The following EPHA10 variants were observed in gnomAD, a reference collection of about 807,000 sequenced individuals.
EPHA10 encodes the protein ephrin type-A receptor 10.
EPHA10 carries 120 observed loss-of-function variants against 109.7 expected under a neutral mutation model. That is an observed-to-expected ratio of 1.09 (90% CI 0.94 to 1.27). The LOEUF (loss-of-function observed/expected upper bound fraction) is 1.27. Ranked by LOEUF, EPHA10 falls within the 50% of genes most tolerant of loss-of-function variation. EPHA10 has a pLI of 0.00. For synonymous variants in EPHA10, 640 were observed against 618.9 expected (o/e 1.03, Z -0.51); for missense variants, 1,396 against 1,411.1 (o/e 0.99, Z 0.17).
chr1:37,747,930 G>C (rs148566359), intron 5 of EPHA10, among the ~76,000 whole-genome samples: 184 of 152,240 alleles, frequency 1.2e-3, no homozygotes, highest in African/African-American at 4.2e-3. Context: ...CAGGAAGAAA[G>C]AGAAAGTGAA....
rs1194963870 is a variant in EPHA10 at position 37,723,030 on chromosome 1, GC to G, written c.1960+10del. The G allele has an allele frequency of 2.5e-6, 4 of 1,613,892 alleles. No homozygotes were observed. Among genetic ancestry groups the G allele is most frequent in the Non-Finnish European group, 3.4e-6 (4 of 1,180,018 alleles). On this transcript the variant is annotated intron_variant, in intron 10 of 16. Coordinates refer to ENST00000373048, the MANE Select transcript of EPHA10 (RefSeq NM_001099439.2). ...CAGATGGGGACAAGGCTTCCTGGGC[GC>G]CCAGCTTGCCTCCTCCAAGGCTCCT... is the stretch of plus-strand genomic sequence containing the variant.
At chr1:37,751,567 C>CAAAA (rs34755028) in intron 5 of EPHA10, among the ~76,000 whole-genome samples, 2 of 141,934 alleles carry the variant, frequency 1.4e-5, no homozygotes, top group South Asian at 2.3e-4. Flanking sequence ...AACTCCATTT[C>CAAAA]AAAAAAAAAA....
In EPHA10 at chr1:37,731,401, C is replaced by T. The variant is rs373779348; in HGVS notation, c.1663+10G>A. 241 of 1,585,318 alleles carry T rather than the reference C, an allele frequency of 1.5e-4. No homozygotes were observed. Among genetic ancestry groups the T allele is most frequent in the Middle Eastern group, 1.5e-3 (9 of 5,922 alleles). On this transcript the variant is annotated intron_variant, in intron 7 of 16. Coordinates refer to ENST00000373048, the MANE Select transcript of EPHA10 (RefSeq NM_001099439.2). The stretch of plus-strand genomic sequence containing the variant: ...GTCTAGGTCCCTGTCCACTCACACA[C>T]ACTACTTACCCTCCCCCAGGGTCTG...
At position 37,720,344 on chromosome 1, in the gene EPHA10, C is replaced by A; in HGVS notation, c.2412+7G>T. The A allele has an allele frequency of 6.3e-7, 1 of 1,591,806 alleles. No homozygotes were observed. The highest frequency in any genetic ancestry group is 8.6e-7 in the Non-Finnish European group (1 of 1,169,460). Reference sequence around the variant, plus strand: ...GCACAGGCAGGCTTGGCTGGGGGCGCCCTCACCATAGTGGTGTAGACAGCC... The same window carrying A: ...GCACAGGCAGGCTTGGCTGGGGGCGACCTCACCATAGTGGTGTAGACAGCC... On this transcript the variant is annotated splice_region_variant and intron_variant, in intron 13 of 16. Coordinates refer to ENST00000373048, the MANE Select transcript of EPHA10 (RefSeq NM_001099439.2).
intron 5 of EPHA10, chr1:37,737,961 C>CTTTTTTTTT (rs1318614740): frequency 1.2e-4 from 3 of 25,458 alleles, no homozygotes; most frequent in African/African-American, 2.3e-4. Flanking sequence ...TTTTTTTTTG[C>CTTTTTTTTT]TATCAAGCGA....
rs535928146 is a variant in EPHA10 at position 37,718,906 on chromosome 1, C to T, written c.2757-90G>A. The T allele has an allele frequency of 2.6e-5, 38 of 1,475,756 alleles. No individual in the cohort carries two copies. The East Asian group carries it at 7.3e-4, about 28-fold the overall frequency. The allele number at this position is 1,475,756 out of a possible 1,614,324, so 91.4% of individuals were successfully genotyped here. On this transcript the variant is annotated intron_variant, in intron 15 of 16. Coordinates refer to ENST00000373048, the MANE Select transcript of EPHA10 (RefSeq NM_001099439.2). ...CGGGGAGAGGCCAGCTGAGGATGGA[C>T]AGGAGAAGGGGAGGGTAACCGGGCC...
rs943066568 is a variant in EPHA10, at chr1:37,718,415, T to A, written c.2984A>T (p.Gln995Leu). 3.7e-6 allele frequency: 6 copies of A among 1,613,032 alleles called. No homozygotes were observed. The African/African-American group carries it at 8.0e-5, about 22-fold the overall frequency. The change falls in exon 17 of 17, where the codon CAG (glutamine) becomes CTG (leucine). Residue 995 changes from glutamine to leucine, a missense_variant. Coordinates refer to ENST00000373048, the MANE Select transcript of EPHA10 (RefSeq NM_001099439.2). ...EALLSGISAL[Q>L]ARVLQLQGQG... ...GCCCTGCAGCTGGAGCACTCGTGCC[T>A]GCAGGGCGCTGATCCCGCTGAGGAG...
At chr1:37,740,917 G>A (rs1014235173) in intron 5 of EPHA10, among the ~76,000 whole-genome samples, 4 of 152,124 alleles carry the variant, frequency 2.6e-5, no homozygotes, top group African/African-American at 9.7e-5. Flanking sequence ...AGCTTTTAGG[G>A]AATAAGCCTG....
intron 5 of EPHA10, among the ~76,000 whole-genome samples, chr1:37,746,101 CTTT>C (rs111763214): frequency 3.9e-5 from 5 of 127,432 alleles, no homozygotes; most frequent in Non-Finnish European, 4.9e-5. Context: ...CTTTTCTTTT[CTTT>C]TTTTTTTTTT....
At chr1:37,759,305 C>T (rs1646413467) in intron 3 of EPHA10, among the ~76,000 whole-genome samples, 1 of 152,156 alleles carries the variant, frequency 6.6e-6, no homozygotes, top group African/African-American at 2.4e-5. Flanking sequence ...CACACCCCCA[C>T]ATGCCCTCTG....
chr1:37,719,142 A>C, intron 15 of EPHA10: 1 of 593,248 alleles, frequency 1.7e-6, no homozygotes, highest in Non-Finnish European at 3.0e-6. Context: ...TGGAACTACA[A>C]ATGTGTTAGG....
At position 37,732,323 on chromosome 1, in the gene EPHA10, C is replaced by T. The variant is rs540060801; in HGVS notation, c.1492-741G>A. Among the ~76,000 whole-genome samples, 9 of 152,122 alleles carry T rather than the reference C, an allele frequency of 5.9e-5. No homozygotes were observed. The South Asian group carries it at 8.3e-4, about 14-fold the overall frequency. ...CCCTGCAGAGCCCGTGTTTTTTGCT[C>T]GACATCATGCTGCCCCCCGCTCCAC... On this transcript the variant is annotated intron_variant, in intron 6 of 16. Coordinates refer to ENST00000373048, the MANE Select transcript of EPHA10 (RefSeq NM_001099439.2).
At chr1:37,755,344 A>ACC (rs1326467587) in intron 3 of EPHA10, among the ~76,000 whole-genome samples, 8 of 131,180 alleles carry the variant, frequency 6.1e-5, no homozygotes, top group Admixed American at 1.6e-4. Context: ...ACACACACAC[A>ACC]CCCTCCCACC....
chr1:37,720,014 C>G lies in EPHA10; in HGVS notation c.2457G>C (p.Gln819His). Residue 819 changes from glutamine (Q) to histidine (H), a missense_variant, in exon 14 of 17, where the codon CAG becomes CAC. Coordinates refer to ENST00000373048, the MANE Select transcript of EPHA10 (RefSeq NM_001099439.2). Reference protein sequence around the residue: ...PALWAAPETLQFGHFSSASDV... With the variant: ...PALWAAPETLHFGHFSSASDV... ...CACTGGCAGAGCTGAAGTGGCCAAACTGAAGTGTCTCGGGAGCGGCCCATA... is the reference window on the plus strand; with the variant it reads ...CACTGGCAGAGCTGAAGTGGCCAAAGTGAAGTGTCTCGGGAGCGGCCCATA... 6.2e-7 allele frequency: 1 copy of G among 1,614,014 alleles called. No homozygotes were observed. Among genetic ancestry groups the G allele is most frequent in the Non-Finnish European group, 8.5e-7 (1 of 1,180,028 alleles).
intron 3 of EPHA10, among the ~76,000 whole-genome samples, chr1:37,759,618 G>A (rs1236777421): frequency 6.6e-6 from 1 of 152,142 alleles, no homozygotes; most frequent in Non-Finnish European, 1.5e-5. Context: ...GTAACACCCA[G>A]TGCCTGAGCT....
intron 5 of EPHA10, among the ~76,000 whole-genome samples, chr1:37,742,416 A>C (rs1411118116): frequency 6.6e-6 from 1 of 152,240 alleles, no homozygotes; most frequent in Non-Finnish European, 1.5e-5. Context: ...CAACAAAAGA[A>C]GTTAGCTGGG....
chr1:37,738,741 T>C (rs1179186640), intron 5 of EPHA10, among the ~76,000 whole-genome samples: 1 of 152,084 alleles, frequency 6.6e-6, no homozygotes, highest in African/African-American at 2.4e-5. Flanking sequence ...AGCCAAGAGG[T>C]GGAAGCAACC....
At chr1:37,743,780 T>C (rs1167763608) in intron 5 of EPHA10, among the ~76,000 whole-genome samples, 3 of 152,226 alleles carry the variant, frequency 2.0e-5, no homozygotes, top group Non-Finnish European at 1.5e-5. Flanking sequence ...AGGTATGATA[T>C]CTGGCAGGCT....
intron 15 of EPHA10, 29 bp downstream of exon 15, chr1:37,719,385 G>C (rs571247403): frequency 3.6e-5 from 58 of 1,600,264 alleles, no homozygotes; most frequent in Non-Finnish European, 4.9e-5. Flanking sequence ...GGACAGGTGA[G>C]AGGCTGGCTG....
Sources: allele counts gnomAD v4.1 joint callset (sites outside exome capture counted in the v4.1 genomes callset), GRCh38; gene constraint gnomAD v4.1.1; transcripts MANE v1.5; gene names NCBI Gene and HGNC (gene_info 2026-07-23, HGNC 2026-07-21).